ERCC2: variants seen among roughly 807,000 people sequenced by gnomAD.
ERCC2 encodes the protein ERCC excision repair 2, TFIIH core complex helicase subunit, also known as general transcription and DNA repair factor IIH helicase subunit XPD.
Under a neutral mutation model 99.4 loss-of-function variants are expected in ERCC2, and 90 were observed. The observed-to-expected ratio is 0.91, with a 90% CI of 0.76 to 1.08. ERCC2 has a LOEUF of 1.08. Ranked by LOEUF, ERCC2 falls within the 50% of genes least tolerant of loss-of-function variation. The probability of loss-of-function intolerance (pLI) is 0.00; values close to 1 mark genes in which losing one functional copy is unlikely to be tolerated. For missense variants in ERCC2, 993 were observed against 1,038.1 expected (o/e 0.96, Z 0.60); for synonymous variants, 497 against 432.4 (o/e 1.15, Z -1.85).
At position 45,351,305 on chromosome 19, in the gene ERCC2, A is replaced by C; in HGVS notation, c.*324T>G. ...CTCCAGTTTCCCAGCTGGCACCTGG[A>C]CAAGGCCCCTCGGACCCTCAGCGCC... On this transcript the variant is annotated 3_prime_UTR_variant, in exon 23 of 23. Coordinates refer to ENST00000391945, the MANE Select transcript of ERCC2 (RefSeq NM_000400.4). The C allele has an allele frequency of 6.2e-7, 1 of 1,612,666 alleles. No homozygotes were observed. The highest frequency in any genetic ancestry group is 8.5e-7 in the Non-Finnish European group (1 of 1,179,994).
Position 45,351,113 on chromosome 19 carries a change from C to CAGGTGGTG in ERCC2, c.*508_*515dup, listed in dbSNP as rs1277788057. ...GCGGTCGGGCCAGTGGTGGAGTCAG[C>CAGGTGGTG]AGGTGGTGGGTTGGTGTCAGAAGAG... is the stretch of plus-strand genomic sequence containing the variant. On this transcript the variant is annotated 3_prime_UTR_variant, in exon 23 of 23. Transcript: ENST00000391945. 1.8e-5 allele frequency: 29 copies of CAGGTGGTG among 1,606,850 alleles called. No individual in the cohort carries two copies. The highest frequency in any genetic ancestry group is 2.5e-5 in the Non-Finnish European group (29 of 1,176,322).
At chr19:45,357,836 A>G (rs984196960) in intron 12 of ERCC2, 137 bp from the exon 13 acceptor site, 5 of 788,152 alleles carry the variant, frequency 6.3e-6, no homozygotes, top group East Asian at 2.7e-5. Context: ...GCGACCAAAC[A>G]TGACTGCTTA....
At position 45,351,581 on chromosome 19, in the gene ERCC2, CAA is replaced by C; in HGVS notation, c.*46_*47del. ...ACCGCCGCTGGGAACCAGGGCCAGG[CAA>C]GACTCAGGAGTCACCAGGAACCGTT... On this transcript the variant is annotated 3_prime_UTR_variant, in exon 23 of 23. Coordinates refer to ENST00000391945, the MANE Select transcript of ERCC2 (RefSeq NM_000400.4). 1 of 1,611,458 alleles carries C rather than the reference CAA, an allele frequency of 6.2e-7. No homozygotes were observed. The highest frequency in any genetic ancestry group is 8.5e-7 in the Non-Finnish European group (1 of 1,179,436).
At chr19:45,354,025 G>A (rs1359320159) in intron 17 of ERCC2, among the ~76,000 whole-genome samples, 2 of 152,192 alleles carry the variant, frequency 1.3e-5, no homozygotes, top group Admixed American at 1.3e-4. Context: ...GCCGCCTATT[G>A]AAGCACAAGG....
At chr19:45,359,428 A>G (rs1363045388) in intron 12 of ERCC2, among the ~76,000 whole-genome samples, 2 of 152,130 alleles carry the variant, frequency 1.3e-5, no homozygotes, top group Non-Finnish European at 2.9e-5. Flanking sequence ...GCCGCAGGAC[A>G]TGAGGCCCGA....
chr19:45,351,932 C>T (rs1971806802), intron 22 of ERCC2, among the ~76,000 whole-genome samples: 1 of 152,194 alleles, frequency 6.6e-6, no homozygotes, highest in African/African-American at 2.4e-5. Context: ...GAAGGACCGG[C>T]TTTCTCCAGG....
intron 2 of ERCC2, 50 bp from the exon 3 acceptor site, chr19:45,369,197 GCA>G: frequency 6.7e-7 from 1 of 1,502,664 alleles, no homozygotes; most frequent in Non-Finnish European, 9.3e-7. Context: ...AGAACCTTGG[GCA>G]CACAAACTCT....
intron 22 of ERCC2, 41 bp downstream of exon 22, chr19:45,352,168 C>G (rs916678729): frequency 1.2e-6 from 2 of 1,609,072 alleles, no homozygotes; most frequent in African/African-American, 2.7e-5. Context: ...GGAGGAGAAG[C>G]TCAGCCTGGG....
Position 45,350,434 on chromosome 19 carries a change from GAGCCCCT to G in ERCC2, c.*1188_*1194del. The G allele has an allele frequency of 1.9e-6, 3 of 1,613,770 alleles. No homozygotes were observed. The highest frequency in any genetic ancestry group is 2.5e-6 in the Non-Finnish European group (3 of 1,179,822). On this transcript the variant is annotated 3_prime_UTR_variant, in exon 23 of 23. Transcript: ENST00000391945. ...GGAGGACCTACCCGCCCCTCTCGGT[GAGCCCCT>G]AGCCCCTGTCTGTCTTCCCTCCTGG... is the stretch of plus-strand genomic sequence containing the variant.
At chr19:45,354,316 C>T (rs778023197) in intron 17 of ERCC2, among the ~76,000 whole-genome samples, 41 of 152,198 alleles carry the variant, frequency 2.7e-4, no homozygotes, top group Non-Finnish European at 4.3e-4. Flanking sequence ...TTGAGAGGCT[C>T]GCCCCGAGTC....
At chr19:45,351,854 T>A in intron 22 of ERCC2, 133 bp from the exon 23 acceptor site, 1 of 803,426 alleles carries the variant, frequency 1.2e-6, no homozygotes, top group Middle Eastern at 3.6e-4. Flanking sequence ...GATGTCCGTA[T>A]AATCCAGAGC....
intron 12 of ERCC2, chr19:45,358,050 T>A: frequency 2.5e-6 from 1 of 402,592 alleles, no homozygotes; most frequent in Non-Finnish European, 4.7e-6. Flanking sequence ...GACCTTTTCT[T>A]GTTTTTGTTT....
chr19:45,367,453 T>C (rs1972467367), intron 5 of ERCC2, among the ~76,000 whole-genome samples: 1 of 151,978 alleles, frequency 6.6e-6, no homozygotes. Flanking sequence ...TATATACACA[T>C]ATATACATTC....
intron 5 of ERCC2, among the ~76,000 whole-genome samples, chr19:45,366,388 C>T (rs888889169): frequency 7.2e-5 from 11 of 152,112 alleles, no homozygotes; most frequent in Non-Finnish European, 1.6e-4. Context: ...GTGATCCACC[C>T]GCCTCGGCCT....
Position 45,351,400 on chromosome 19 carries a change from C to A in ERCC2, c.*229G>T. 6.2e-7 allele frequency: 1 copy of A among 1,602,782 alleles called. No individual in the cohort carries two copies. The highest frequency in any genetic ancestry group is 2.2e-5 in the East Asian group (1 of 44,808). On this transcript the variant is annotated 3_prime_UTR_variant, in exon 23 of 23. Transcript: ENST00000391945. ...TGGCCGCAGCTTCTTGGGAACAGTG[C>A]AGGAGGGATGGGCTGGTGGGGTGAG...
intron 12 of ERCC2, among the ~76,000 whole-genome samples, chr19:45,359,366 G>A (rs184581646): frequency 1.2e-3 from 189 of 152,268 alleles, no homozygotes; most frequent in African/African-American, 4.3e-3. Context: ...AGCCGGCCTC[G>A]CTACCCAGCC....
chr19:45,355,525 C>T (rs983416942), intron 16 of ERCC2, 140 bp downstream of exon 16: 31 of 812,148 alleles, frequency 3.8e-5, no homozygotes, highest in South Asian at 7.1e-5. Context: ...TCACAGTGGA[C>T]GTGTACCACG....
Position 45,350,025 on chromosome 19 carries a change from T to G in ERCC2, c.*1604A>C, listed in dbSNP as rs376699540. 4.4e-6 allele frequency: 2 copies of G among 450,756 alleles called. No individual in the cohort carries two copies. The highest frequency in any genetic ancestry group is 3.9e-5 in the East Asian group (1 of 25,940). 27.9% of individuals were successfully genotyped at this position (450,756 alleles called of 1,614,324 possible). ...GCAGACAGGCTCAGAAACAGGAGGCTGCCTGTCCTCCATCCCCAGGGCAGG... is the reference window on the plus strand; with the variant it reads ...GCAGACAGGCTCAGAAACAGGAGGCGGCCTGTCCTCCATCCCCAGGGCAGG... On this transcript the variant is annotated 3_prime_UTR_variant, in exon 23 of 23. Transcript: ENST00000391945.
At chr19:45,368,028 C>A (rs1449188231) in intron 5 of ERCC2, among the ~76,000 whole-genome samples, 1 of 151,766 alleles carries the variant, frequency 6.6e-6, no homozygotes, top group Admixed American at 6.6e-5. Context: ...TGTACACCAC[C>A]ACCCCCGGCT....
Sources: allele counts gnomAD v4.1 joint callset (sites outside exome capture counted in the v4.1 genomes callset), GRCh38; gene constraint gnomAD v4.1.1; transcripts MANE v1.5; gene names NCBI Gene and HGNC (gene_info 2026-07-23, HGNC 2026-07-21).